FAM177A1: variants seen among roughly 807,000 people sequenced by gnomAD.
FAM177A1 encodes the protein family with sequence similarity 177 member A1.
Under a neutral mutation model 26.1 loss-of-function variants are expected in FAM177A1, and 22 were observed. The ratio of observed to expected loss-of-function variants is 0.84; its 90% CI spans 0.60 to 1.20. The LOEUF (loss-of-function observed/expected upper bound fraction) is 1.20, where lower values mean the gene tolerates loss of function less well. Ranked by LOEUF, FAM177A1 falls within the 50% of genes most tolerant of loss-of-function variation. The pLI is 0.00. For synonymous variants in FAM177A1, 95 were observed against 99.3 expected (o/e 0.96, Z 0.26); for missense variants, 296 against 291.1 (o/e 1.02, Z -0.12).
intron 2 of FAM177A1, among the ~76,000 whole-genome samples, chr14:35,061,515 ATTTCT>A (rs1175340088): frequency 1.2e-5 from 1 of 86,142 alleles, no homozygotes; most frequent in Non-Finnish European, 2.3e-5. Flanking sequence ...TTTTTTTCTC[ATTTCT>A]TTTTTTTTTT....
At chr14:35,058,601 A>G (rs2045099708) in intron 2 of FAM177A1, among the ~76,000 whole-genome samples, 1 of 152,078 alleles carries the variant, frequency 6.6e-6, no homozygotes, top group Non-Finnish European at 1.5e-5. Context: ...TAGGTCTGGC[A>G]TGGTGGCTCA....
intron 2 of FAM177A1, among the ~76,000 whole-genome samples, chr14:35,059,840 C>A (rs1163909676): frequency 2.6e-5 from 4 of 152,232 alleles, no homozygotes; most frequent in Admixed American, 6.5e-5. Context: ...AGCCACCACA[C>A]TCCACCAATT....
At chr14:35,045,555 A>C (rs1173686890), upstream of FAM177A1, among the ~76,000 whole-genome samples, 1 of 152,214 alleles carries the variant, frequency 6.6e-6, no homozygotes, top group Non-Finnish European at 1.5e-5. Context: ...CCCATAGCCA[A>C]AATAATGTAT....
intron 2 of FAM177A1, among the ~76,000 whole-genome samples, chr14:35,060,127 C>G (rs1381956107): frequency 1.3e-5 from 2 of 151,938 alleles, no homozygotes; most frequent in African/African-American, 4.8e-5. Flanking sequence ...GCATGCACCA[C>G]CATGCCCGGG....
chr14:35,078,984 A>G lies in FAM177A1; in HGVS notation c.464A>G (p.Tyr155Cys). Reference protein sequence around the residue: ...ASVLGISTPKYQYAIDEYYRM... With the variant: ...ASVLGISTPKCQYAIDEYYRM... ...GTTTTGGGTATCAGCACCCCAAAGT[A>G]CCAATATGCCATTGATGAATATTAT... The change falls in exon 4 of 5, where the codon TAC (tyrosine) becomes TGC (cysteine). Residue 155 changes from tyrosine (Y) to cysteine (C), a missense_variant. Transcript: ENST00000280987. 1 of 1,558,040 alleles carries G rather than the reference A, an allele frequency of 6.4e-7. No homozygotes were observed. The highest frequency in any genetic ancestry group is 8.6e-7 in the Non-Finnish European group (1 of 1,163,260).
At chr14:35,065,357 C>CTTTTT (rs1181451849) in intron 2 of FAM177A1, among the ~76,000 whole-genome samples, 5 of 91,874 alleles carry the variant, frequency 5.4e-5, no homozygotes, top group African/African-American at 1.9e-4. Flanking sequence ...TCCATTGAAT[C>CTTTTT]TTTTTTTTTT....
chr14:35,059,873 C>T (rs947447042), intron 2 of FAM177A1, among the ~76,000 whole-genome samples: 1 of 151,728 alleles, frequency 6.6e-6, no homozygotes, highest in Non-Finnish European at 1.5e-5. Context: ...TAGAGACAAC[C>T]AAGCTGGTCT....
In FAM177A1 at chr14:35,077,468, C is replaced by CTTT. The variant is rs150813883; in HGVS notation, c.406+275_406+277dup. Among the ~76,000 whole-genome samples the CTTT allele has an allele frequency of 4.1e-3, 330 of 79,566 alleles. 1 individual carries two copies. The highest frequency in any genetic ancestry group is 5.1e-3 in the Non-Finnish European group (220 of 43,512). 52.2% of individuals were successfully genotyped at this position (79,566 alleles called of 152,430 possible). ...TTAGTTTAGATATGGTTTTCAAGTT[C>CTTT]TTTTTTTTTTTTTTTTTTTTTTTTT... is the stretch of plus-strand genomic sequence containing the variant. On this transcript the variant is annotated intron_variant, in intron 3 of 4. Transcript: ENST00000280987.
chr14:35,076,727 C>T (rs941210772), intron 2 of FAM177A1, among the ~76,000 whole-genome samples: 21 of 152,116 alleles, frequency 1.4e-4, no homozygotes, highest in African/African-American at 5.1e-4. Flanking sequence ...CTTAATTTCC[C>T]TGCTATAGCA....
chr14:35,072,229 C>G (rs753455401), intron 2 of FAM177A1, among the ~76,000 whole-genome samples: 4 of 151,308 alleles, frequency 2.6e-5, no homozygotes, highest in Non-Finnish European at 5.9e-5. Flanking sequence ...GAGCCGAGAT[C>G]GCAACATTGC....
rs1399713432 is a variant in FAM177A1, at chr14:35,081,717, A to G, written c.*489A>G. On this transcript the variant is annotated 3_prime_UTR_variant, in exon 5 of 5. Coordinates refer to ENST00000280987, the MANE Select transcript of FAM177A1 (RefSeq NM_173607.5). Reference sequence around the variant, plus strand: ...TGCTTCACCATATAATAAAAGGAGCAAGATGGAAGCACTTTGAATTTTCTT... The same window carrying G: ...TGCTTCACCATATAATAAAAGGAGCGAGATGGAAGCACTTTGAATTTTCTT... The G allele has an allele frequency of 2.0e-5, 3 of 152,118 alleles. No homozygotes were observed. The highest frequency in any genetic ancestry group is 7.2e-5 in the African/African-American group (3 of 41,450). The allele number at this position is 152,118 out of a possible 1,614,324, so 9.4% of individuals were successfully genotyped here. A position where few individuals can be genotyped will look rare whatever the true frequency, so the allele number is the denominator to read the frequency against.
intron 2 of FAM177A1, among the ~76,000 whole-genome samples, chr14:35,056,611 G>C (rs1034951713): frequency 1.3e-5 from 2 of 152,128 alleles, no homozygotes; most frequent in Non-Finnish European, 2.9e-5. Flanking sequence ...CCCTGTCTCA[G>C]CCTCCCAAAG....
chr14:35,060,352 T>A (rs1003910431), intron 2 of FAM177A1, among the ~76,000 whole-genome samples: 1 of 152,170 alleles, frequency 6.6e-6, no homozygotes, highest in Non-Finnish European at 1.5e-5. Context: ...CTGTTATACC[T>A]TCCTTTATTT....
intron 2 of FAM177A1, among the ~76,000 whole-genome samples, chr14:35,068,989 G>A (rs1396054712): frequency 6.6e-6 from 1 of 152,132 alleles, no homozygotes; most frequent in African/African-American, 2.4e-5. Context: ...ATCACTGCTC[G>A]TTCAGTCCCA....
At chr14:35,046,940 G>A (rs2044877363) in intron 1 of FAM177A1, 2 of 1,144,096 alleles carry the variant, frequency 1.7e-6, no homozygotes, top group Middle Eastern at 3.7e-4. Context: ...TGTCCTTGCA[G>A]TAGCTGGAAG....
intron 1 of FAM177A1, among the ~76,000 whole-genome samples, chr14:35,050,629 G>C (rs1384271854): frequency 1.3e-5 from 2 of 150,072 alleles, no homozygotes; most frequent in African/African-American, 4.9e-5. Context: ...AGCCTCTACT[G>C]TCTTGGGGGT....
chr14:35,066,315 A>G (rs950655173), intron 2 of FAM177A1, among the ~76,000 whole-genome samples: 1 of 151,192 alleles, frequency 6.6e-6, no homozygotes, highest in South Asian at 2.1e-4. Flanking sequence ...TGATCCTCCT[A>G]TTTTGGCCTC....
intron 2 of FAM177A1, among the ~76,000 whole-genome samples, chr14:35,062,584 T>C (rs2045175176): frequency 6.6e-6 from 1 of 152,182 alleles, no homozygotes; most frequent in African/African-American, 2.4e-5. Flanking sequence ...TTGCCTCACC[T>C]ACCTGTAGTT....
At chr14:35,072,837 G>A (rs1458348218) in intron 2 of FAM177A1, among the ~76,000 whole-genome samples, 2 of 151,910 alleles carry the variant, frequency 1.3e-5, no homozygotes, top group East Asian at 1.9e-4. Flanking sequence ...ATTTTGAAAC[G>A]CTCCACCCTC....
Sources: gnomAD v4.1 joint callset for allele counts (sites outside exome capture counted in the v4.1 genomes callset) on GRCh38, gnomAD v4.1.1 for gene constraint, MANE v1.5 for transcripts, NCBI Gene and HGNC (gene_info 2026-07-23, HGNC 2026-07-21) for gene names.